EYS: variants seen among roughly 807,000 people sequenced by gnomAD.
The protein encoded by EYS is EGF-like photoreceptor maintenance factor, also known as protein eyes shut homolog.
EYS carries 250 observed loss-of-function variants against 282.1 expected under a neutral mutation model. The ratio of observed to expected loss-of-function variants is 0.89; its 90% CI spans 0.80 to 0.98. The LOEUF is 0.98. Among genes scored for constraint, EYS ranks in the 50% least tolerant of loss-of-function variants. EYS has a pLI of 0.00. For missense variants in EYS, 4,016 were observed against 3,709.0 expected (o/e 1.08, Z -2.15); for synonymous variants, 1,355 against 1,282.9 (o/e 1.06, Z -1.20).
rs530251913 is a variant in EYS, at chr6:64,259,696, A to G, written c.6192-28872T>C. ...CACACAATCTGAGTTCTGTGTGTGC[A>G]TGTTGTCTCAGCAGAACTGAGTTCA... On this transcript the variant is annotated intron_variant, in intron 30 of 42. Coordinates refer to ENST00000503581, the MANE Select transcript of EYS (RefSeq NM_001142800.2). Among the ~76,000 whole-genome samples, 610 of 149,762 alleles carry G rather than the reference A, an allele frequency of 4.1e-3. 4 individuals carry two copies. The highest frequency in any genetic ancestry group is 0.01 in the Middle Eastern group (3 of 290).
intron 22 of EYS, among the ~76,000 whole-genome samples, chr6:64,790,452 T>C (rs1038277262): frequency 3.3e-5 from 5 of 151,906 alleles, no homozygotes; most frequent in African/African-American, 1.2e-4. Context: ...AAAAAAAATG[T>C]ACATCTAACA....
At chr6:64,085,338 G>GCACACACACACA (rs749247868) in intron 31 of EYS, among the ~76,000 whole-genome samples, 1,321 of 85,534 alleles carry the variant, frequency 0.015, 23 homozygotes, top group African/African-American at 0.056. Context: ...GCACGTGCGC[G>GCACACACACACA]CGCACACACA....
chr6:65,000,279 A>C (rs1771420508), intron 13 of EYS, among the ~76,000 whole-genome samples: 1 of 152,190 alleles, frequency 6.6e-6, no homozygotes, highest in Non-Finnish European at 1.5e-5. Context: ...TTTCAACTGC[A>C]TTGGTATTAG....
intron 35 of EYS, among the ~76,000 whole-genome samples, chr6:63,934,936 CA>C (rs1020051020): frequency 1.3e-5 from 2 of 151,876 alleles, no homozygotes; most frequent in East Asian, 1.9e-4. Context: ...ATAACAACAA[CA>C]AAAAAAACTA....
intron 26 of EYS, among the ~76,000 whole-genome samples, chr6:64,522,756 C>T (rs189169554): frequency 3.6e-4 from 55 of 151,600 alleles, no homozygotes; most frequent in African/African-American, 1.3e-3. Context: ...TACTCGATCG[C>T]TGAAGGTTAA....
At chr6:65,270,557 A>C (rs1222610912) in intron 12 of EYS, among the ~76,000 whole-genome samples, 2 of 152,060 alleles carry the variant, frequency 1.3e-5, no homozygotes, top group Non-Finnish European at 2.9e-5. Context: ...TAGGCTGAGA[A>C]TTTTCTCAAT....
At chr6:64,635,305 A>G (rs1767935267) in intron 22 of EYS, among the ~76,000 whole-genome samples, 2 of 152,026 alleles carry the variant, frequency 1.3e-5, no homozygotes, top group East Asian at 1.9e-4. Flanking sequence ...CTAATTGAAT[A>G]CCCTTTATTT....
intron 2 of EYS, among the ~76,000 whole-genome samples, chr6:65,537,119 T>C (rs1265129467): frequency 6.6e-6 from 1 of 152,100 alleles, no homozygotes; most frequent in Non-Finnish European, 1.5e-5. Context: ...ACACTGCATG[T>C]TCTCACTCAT....
intron 28 of EYS, among the ~76,000 whole-genome samples, chr6:64,420,715 T>C (rs1469341000): frequency 6.6e-6 from 1 of 152,168 alleles, no homozygotes; most frequent in Non-Finnish European, 1.5e-5. Context: ...ATCTCTCTCA[T>C]GTTTAAAGTT....
At chr6:64,236,752 G>GT (rs1393011757) in intron 30 of EYS, among the ~76,000 whole-genome samples, 2 of 144,404 alleles carry the variant, frequency 1.4e-5, no homozygotes, top group South Asian at 4.5e-4. Flanking sequence ...TTTCTTTCAG[G>GT]TTTTTTTAAT....
chr6:65,427,368 C>T (rs1348670809), intron 5 of EYS, among the ~76,000 whole-genome samples: 4 of 152,012 alleles, frequency 2.6e-5, no homozygotes, highest in South Asian at 4.2e-4. Flanking sequence ...TCCCTCAATG[C>T]ATTTACACGT....
At chr6:65,038,832 T>C (rs1043368642) in intron 13 of EYS, among the ~76,000 whole-genome samples, 1 of 151,446 alleles carries the variant, frequency 6.6e-6, no homozygotes, top group African/African-American at 2.4e-5. Flanking sequence ...AAGAATTTTT[T>C]ACTTATCTTT....
intron 15 of EYS, among the ~76,000 whole-genome samples, chr6:64,927,559 C>CA (rs1768557861): frequency 6.6e-6 from 1 of 152,024 alleles, no homozygotes; most frequent in Non-Finnish European, 1.5e-5. Flanking sequence ...CAACACTGAA[C>CA]AACCCTTTCA....
intron 21 of EYS, among the ~76,000 whole-genome samples, chr6:64,817,138 A>C (rs963401833): frequency 6.6e-6 from 1 of 152,120 alleles, no homozygotes; most frequent in African/African-American, 2.4e-5. Flanking sequence ...TGTAGGAAAA[A>C]GCTGACCATT....
At chr6:63,913,959 C>G (rs1055162076) in intron 35 of EYS, among the ~76,000 whole-genome samples, 8 of 152,116 alleles carry the variant, frequency 5.3e-5, no homozygotes, top group Admixed American at 4.6e-4. Context: ...GGTAATATTT[C>G]AAACTTTTTC....
At position 65,223,794 on chromosome 6, in the gene EYS, A is replaced by T. The variant is rs1766540751; in HGVS notation, c.2023+72069T>A. Reference sequence around the variant, plus strand: ...CGGAAAGAAGAGACTGGGGAAGGAAATTGGCAGGCTGCTTTTCAGGGTCCC... The same window carrying T: ...CGGAAAGAAGAGACTGGGGAAGGAATTTGGCAGGCTGCTTTTCAGGGTCCC... On this transcript the variant is annotated intron_variant, in intron 12 of 42. Coordinates refer to ENST00000503581, the MANE Select transcript of EYS (RefSeq NM_001142800.2). Among the ~76,000 whole-genome samples the T allele has an allele frequency of 2.0e-5, 3 of 152,148 alleles. No individual in the cohort carries two copies. The South Asian group carries it at 6.2e-4, about 32-fold the overall frequency.
intron 2 of EYS, among the ~76,000 whole-genome samples, chr6:65,561,920 T>A (rs1769074591): frequency 6.6e-6 from 1 of 151,648 alleles, no homozygotes; most frequent in African/African-American, 2.4e-5. Flanking sequence ...TTTTCTAAAT[T>A]AAATGGTTAT....
intron 41 of EYS, chr6:63,744,944 A>T (rs1200837930): frequency 4.8e-6 from 2 of 413,946 alleles, no homozygotes; most frequent in Non-Finnish European, 9.4e-6. Flanking sequence ...AACATGATTT[A>T]CCTCATCTCC....
chr6:64,411,733 A>G (rs1290278076), intron 28 of EYS, among the ~76,000 whole-genome samples: 1 of 152,038 alleles, frequency 6.6e-6, no homozygotes, highest in Admixed American at 6.6e-5. Flanking sequence ...TTGTAGTCCT[A>G]GCTATTTAAG....
Sources: allele counts gnomAD v4.1 joint callset (sites outside exome capture counted in the v4.1 genomes callset), GRCh38; gene constraint gnomAD v4.1.1; transcripts MANE v1.5; gene names NCBI Gene and HGNC (gene_info 2026-07-23, HGNC 2026-07-21).